Variants in LHFPL3 observed in about 807,000 individuals in gnomAD.
LHFPL3 encodes LHFPL tetraspan subfamily member 3 protein.
In LHFPL3, 5 loss-of-function variants were observed where a neutral mutation model predicts 19.3. The ratio of observed to expected loss-of-function variants is 0.26; its 90% CI spans 0.14 to 0.54. LHFPL3 has a LOEUF of 0.54. Among genes scored for constraint, LHFPL3 ranks in the 20% least tolerant of loss-of-function variants. The pLI is 0.94. For missense variants in LHFPL3, 249 were observed against 307.4 expected, an observed-to-expected ratio of 0.81 and a Z score of 1.42; for synonymous variants, 133 against 126.2, an observed-to-expected ratio of 1.05 and a Z score of -0.36.
Position 104,845,958 on chromosome 7 carries a change from A to C in LHFPL3, c.683-60229A>C, listed in dbSNP as rs185499183. On this transcript the variant is annotated intron_variant, in intron 2 of 2. Coordinates refer to ENST00000424859, the MANE Select transcript of LHFPL3 (RefSeq NM_199000.3). ...AACAGGGCTAAAATGAGCCACGGAG[A>C]AAAGAGGCCATCTTCTCATGTATTA... Among the ~76,000 whole-genome samples, 4 of 152,376 alleles carry C rather than the reference A, an allele frequency of 2.6e-5. No homozygotes were observed. In the East Asian group the frequency reaches 7.7e-4, roughly 29 times the overall value.
chr7:104,903,858 G>A (rs915521239), intron 2 of LHFPL3, among the ~76,000 whole-genome samples: 5 of 152,156 alleles, frequency 3.3e-5, no homozygotes, highest in Non-Finnish European at 7.3e-5. Flanking sequence ...TGGATCCCAT[G>A]TCTTTCCTAT....
In LHFPL3 at chr7:104,888,861, G is replaced by A. The variant is rs1001261038; in HGVS notation, c.683-17326G>A. ...GGAGATTTCTGTCCAAATTGTTTCC[G>A]TTAATGAATCCACTGAAAATCCCCA... On this transcript the variant is annotated intron_variant, in intron 2 of 2. Coordinates refer to ENST00000424859, the MANE Select transcript of LHFPL3 (RefSeq NM_199000.3). 1.5e-4 allele frequency among the ~76,000 whole-genome samples: 23 copies of A among 152,266 alleles called. No homozygotes were observed. The South Asian group carries it at 2.1e-3, about 14-fold the overall frequency.
At chr7:104,573,329 T>C (rs148591520) in intron 1 of LHFPL3, among the ~76,000 whole-genome samples, 3,190 of 151,466 alleles carry the variant, frequency 0.021, 30 homozygotes, top group Middle Eastern at 0.051. Context: ...CAAGAATCAC[T>C]TGAACCTGGG....
intron 1 of LHFPL3, among the ~76,000 whole-genome samples, chr7:104,449,292 T>C (rs775627948): frequency 2.6e-5 from 4 of 152,316 alleles, no homozygotes; most frequent in South Asian, 4.1e-4. Context: ...AGGACAAAAA[T>C]AGCTGCCTTG....
At chr7:104,806,573 CT>C (rs1483116592) in intron 2 of LHFPL3, among the ~76,000 whole-genome samples, 1 of 152,030 alleles carries the variant, frequency 6.6e-6, no homozygotes, top group Non-Finnish European at 1.5e-5. Flanking sequence ...ATGAAGAACT[CT>C]TAGGATCTTT....
chr7:104,357,571 G>A (rs1458811638), intron 1 of LHFPL3, among the ~76,000 whole-genome samples: 1 of 152,118 alleles, frequency 6.6e-6, no homozygotes, highest in African/African-American at 2.4e-5. Flanking sequence ...TATCAGTCAG[G>A]GTTCAATGAG....
chr7:104,798,925 A>T (rs1481499901), intron 2 of LHFPL3, among the ~76,000 whole-genome samples: 1 of 152,090 alleles, frequency 6.6e-6, no homozygotes, highest in Non-Finnish European at 1.5e-5. Context: ...AATTATGTGG[A>T]ATTCTTTGGT....
intron 2 of LHFPL3, among the ~76,000 whole-genome samples, chr7:104,880,549 AT>A (rs1792028656): frequency 6.6e-6 from 1 of 152,098 alleles, no homozygotes; most frequent in African/African-American, 2.4e-5. Flanking sequence ...GTCCTTACAG[AT>A]TATTCTAAAT....
Position 104,328,697 on chromosome 7 carries a change from T to C in LHFPL3, c.-83T>C. The stretch of plus-strand genomic sequence containing the variant: ...GCAGGGGAGTTGCAGCGCGCGAGGC[T>C]CCGTGAGTGTGTCTCCTGCGCGCTG... On this transcript the variant is annotated 5_prime_UTR_variant, in exon 1 of 3. Transcript: ENST00000424859. This position sits in a 1 kb window ranked among gnomAD's most constrained non-coding sequence, Gnocchi z 4.6. The C allele has an allele frequency of 8.0e-7, 1 of 1,253,842 alleles. No homozygotes were observed. The highest frequency in any genetic ancestry group is 1.4e-5 in the South Asian group (1 of 72,964). The allele number at this position is 1,253,842 out of a possible 1,614,324, so 77.7% of individuals were successfully genotyped here.
At chr7:104,678,900 T>C (rs1342982202) in intron 1 of LHFPL3, among the ~76,000 whole-genome samples, 1 of 152,178 alleles carries the variant, frequency 6.6e-6, no homozygotes, top group African/African-American at 2.4e-5. Flanking sequence ...TCCTGGAAAA[T>C]GAAATTAAAA....
At chr7:104,379,322 C>A (rs1328098756) in intron 1 of LHFPL3, among the ~76,000 whole-genome samples, 2 of 152,160 alleles carry the variant, frequency 1.3e-5, no homozygotes, top group Admixed American at 1.3e-4. Context: ...CTTGGGCCTC[C>A]CTCGGCACAG....
rs904218285 is a variant in LHFPL3 at position 104,687,202 on chromosome 7, T to A, written c.446-49473T>A. On this transcript the variant is annotated intron_variant, in intron 1 of 2. Transcript: ENST00000424859. ...ACTTTACTTACATTTACCTACTTAT[T>A]ATAAAGGATATTATAAAAGATGCAG... Among the ~76,000 whole-genome samples, 8 of 152,320 alleles carry A rather than the reference T, an allele frequency of 5.3e-5. No individual in the cohort carries two copies. In the South Asian group the frequency reaches 1.2e-3, roughly 24 times the overall value.
chr7:104,406,012 CT>C (rs1233410473), intron 1 of LHFPL3, among the ~76,000 whole-genome samples: 2 of 152,168 alleles, frequency 1.3e-5, no homozygotes, highest in Non-Finnish European at 2.9e-5. Context: ...AGAATAACTC[CT>C]TCTTGAGTGT....
intron 1 of LHFPL3, among the ~76,000 whole-genome samples, chr7:104,342,948 C>G (rs981031794): frequency 2.7e-5 from 4 of 150,274 alleles, no homozygotes; most frequent in African/African-American, 9.8e-5. Context: ...TATGAGTTTG[C>G]ATTTCATAAG....
intron 1 of LHFPL3, among the ~76,000 whole-genome samples, chr7:104,336,955 A>G (rs6972962): frequency 0.097 from 14,838 of 152,202 alleles, 963 homozygotes; most frequent in African/African-American, 0.17. Flanking sequence ...CTGTTAGAGA[A>G]CAATGGCAGA....
chr7:104,538,897 T>G (rs1360134049), intron 1 of LHFPL3, among the ~76,000 whole-genome samples: 1 of 152,150 alleles, frequency 6.6e-6, no homozygotes, highest in East Asian at 1.9e-4. Context: ...TTATCATGGG[T>G]TCTTAAAATC....
At chr7:104,428,201 A>T (rs1791885059) in intron 1 of LHFPL3, among the ~76,000 whole-genome samples, 2 of 152,220 alleles carry the variant, frequency 1.3e-5, no homozygotes, top group Non-Finnish European at 2.9e-5. Context: ...TTATGTTAAA[A>T]TCTACATATA....
At chr7:104,550,795 T>C (rs1794648983) in intron 1 of LHFPL3, among the ~76,000 whole-genome samples, 1 of 152,214 alleles carries the variant, frequency 6.6e-6, no homozygotes, top group Non-Finnish European at 1.5e-5. Flanking sequence ...ACATCATTTT[T>C]ATGATTTTAA....
At chr7:104,550,309 G>T (rs534941107) in intron 1 of LHFPL3, among the ~76,000 whole-genome samples, 1 of 151,998 alleles carries the variant, frequency 6.6e-6, no homozygotes, top group Admixed American at 6.5e-5. Flanking sequence ...GCCCAACTAG[G>T]TAGACACATA....
Sources: gnomAD v4.1 joint callset for allele counts (sites outside exome capture counted in the v4.1 genomes callset) on GRCh38, gnomAD v4.1.1 for gene constraint, Gnocchi (gnomAD v3.1) non-coding constraint, MANE v1.5 for transcripts, NCBI Gene and HGNC (gene_info 2026-07-23, HGNC 2026-07-21) for gene names.